The following GJD4 variants were observed in gnomAD, a reference collection of about 807,000 sequenced individuals.
GJD4 encodes the protein gap junction protein delta 4, also known as gap junction delta-4 protein.
A neutral mutation model predicts 17.9 loss-of-function variants in GJD4; 18 were observed. The observed-to-expected ratio is 1.00, with a 90% CI of 0.69 to 1.49. The LOEUF (loss-of-function observed/expected upper bound fraction) is 1.49, where lower values mean the gene tolerates loss of function less well. Ranked by LOEUF, GJD4 falls within the 40% of genes most tolerant of loss-of-function variation. GJD4 has a pLI of 0.00. For missense variants in GJD4, 639 were observed against 506.9 expected (o/e 1.26, Z -2.50); for synonymous variants, 293 against 236.8 (o/e 1.24, Z -2.18).
intron 1 of GJD4, 26 bp from the exon 2 acceptor site, chr10:35,607,552 G>A (rs1460875117): frequency 5.8e-6 from 9 of 1,559,650 alleles, no homozygotes; most frequent in Middle Eastern, 1.7e-4. Flanking sequence ...GGGGTGATGA[G>A]GCCATGCCCG....
intron 1 of GJD4, chr10:35,607,283 A>ATGCTCT (rs56119205): frequency 0.94 from 378,679 of 404,850 alleles, 179,210 homozygotes; most frequent in Non-Finnish European, 0.98. Context: ...GAACTACCTG[A>ATGCTCT]TGCTGTGAGT....
Position 35,608,059 on chromosome 10 carries a change from C to G in GJD4, c.546C>G (p.Gly182=). 1 of 1,609,688 alleles carries G rather than the reference C, an allele frequency of 6.2e-7. No homozygotes were observed. The highest frequency in any genetic ancestry group is 8.5e-7 in the Non-Finnish European group (1 of 1,178,252). The part of the protein sequence containing the change: ...KFPCTRPPCT[G]VVDCYVSRPT... The stretch of plus-strand genomic sequence containing the variant: ...CTTGCACGCGCCCTCCGTGCACGGG[C>G]GTGGTGGACTGCTACGTGTCGCGGC... Residue 182 remains glycine, a synonymous_variant, in exon 2 of 2, where the codon GGC becomes GGG. Transcript: ENST00000321660.
In GJD4 at chr10:35,608,719, C is replaced by G; in HGVS notation, c.*93C>G. On this transcript the variant is annotated 3_prime_UTR_variant, in exon 2 of 2. Transcript: ENST00000321660. Reference sequence around the variant, plus strand: ...AGGAGGATCGTTTGAGAATATATCTCCTTGCCCAAGAGTTTGAGACCAGCC... The same window carrying G: ...AGGAGGATCGTTTGAGAATATATCTGCTTGCCCAAGAGTTTGAGACCAGCC... The G allele has an allele frequency of 1.1e-6, 1 of 913,400 alleles. No individual in the cohort carries two copies. Among genetic ancestry groups the G allele is most frequent in the South Asian group, 1.8e-5 (1 of 54,810 alleles). The allele number at this position is 913,400 out of a possible 1,614,324, so 56.6% of individuals were successfully genotyped here.
intron 1 of GJD4, chr10:35,607,356 C>G: frequency 1.8e-6 from 1 of 569,928 alleles, no homozygotes; most frequent in Non-Finnish European, 3.1e-6. Context: ...GAGGCCAAGG[C>G]GGCAGGAGCA....
intron 1 of GJD4, chr10:35,605,856 A>C (rs1823278746): frequency 1.8e-6 from 1 of 568,920 alleles, no homozygotes; most frequent in Non-Finnish European, 3.1e-6. Flanking sequence ...CATGTAAGGG[A>C]GTCTTGCGTT....
At position 35,608,580 on chromosome 10, in the gene GJD4, C is replaced by T. The variant is rs772453319; in HGVS notation, c.1067C>T (p.Ser356Phe). 1 of 1,544,406 alleles carries T rather than the reference C, an allele frequency of 6.5e-7. No homozygotes were observed. Among genetic ancestry groups the T allele is most frequent in the Admixed American group, 2.1e-5 (1 of 47,424 alleles). ...CAGCCCCCTGACCCGCCTGCCAGCT[C>T]CAGTGGTGCTCCCCACCTGAGAGCC... ...SLQPPDPPASSSGAPHLRARK... is the reference protein window; with the variant it reads ...SLQPPDPPASFSGAPHLRARK... The change falls in exon 2 of 2, where the codon TCC (serine) becomes TTC (phenylalanine). Residue 356 changes from serine (S) to phenylalanine (F), a missense_variant. Transcript: ENST00000321660.
In GJD4 at chr10:35,608,546, A is replaced by G. The variant is rs552221917; in HGVS notation, c.1033A>G (p.Ser345Gly). ...CCGCCTGGCCGCGCCCCCTTCCTGCAGCAGCCTGCAGCCCCCTGACCCGCC... is the reference window on the plus strand; with the variant it reads ...CCGCCTGGCCGCGCCCCCTTCCTGCGGCAGCCTGCAGCCCCCTGACCCGCC... ...PSRLAAPPSC[S>G]SLQPPDPPAS... The change falls in exon 2 of 2, where the codon AGC becomes GGC. Residue 345 changes from serine (S) to glycine (G), a missense_variant. Transcript: ENST00000321660. The G allele has an allele frequency of 3.2e-6, 5 of 1,558,608 alleles. No individual in the cohort carries two copies. The South Asian group carries it at 3.5e-5, about 11-fold the overall frequency.
chr10:35,608,026 G>A lies in GJD4; in HGVS notation c.513G>A (p.Lys171=), dbSNP rs750338418. ...TTCTCTTTGGATTCCTGGCCCCGAAGAAGTTCCCTTGCACGCGCCCTCCGT... is the reference window on the plus strand; with the variant it reads ...TTCTCTTTGGATTCCTGGCCCCGAAAAAGTTCCCTTGCACGCGCCCTCCGT... ...HYFLFGFLAP[K]KFPCTRPPCT... is the part of the protein sequence containing the mutation. The change falls in exon 2 of 2, where the codon AAG becomes AAA. Residue 171 remains lysine, a synonymous_variant. Transcript: ENST00000321660. The A allele has an allele frequency of 6.2e-7, 1 of 1,611,516 alleles. No individual in the cohort carries two copies. The highest frequency in any genetic ancestry group is 8.5e-7 in the Non-Finnish European group (1 of 1,179,336).
chr10:35,608,541 C>G lies in GJD4; in HGVS notation c.1028C>G (p.Ser343Cys), dbSNP rs1354091811. 7.7e-6 allele frequency: 12 copies of G among 1,554,416 alleles called. No individual in the cohort carries two copies. The highest frequency in any genetic ancestry group is 1.0e-5 in the Non-Finnish European group (12 of 1,150,854). ...AAPSRLAAPP[S>C]CSSLQPPDPP... ...CCCAGCCGCCTGGCCGCGCCCCCTT[C>G]CTGCAGCAGCCTGCAGCCCCCTGAC... The change falls in exon 2 of 2, where the codon TCC (serine) becomes TGC (cysteine). Residue 343 changes from serine to cysteine, a missense_variant. Transcript: ENST00000321660.
chr10:35,608,518 C>A lies in GJD4; in HGVS notation c.1005C>A (p.Pro335=). Residue 335 remains proline (P), a synonymous_variant, in exon 2 of 2, where the codon CCC becomes CCA. Transcript: ENST00000321660. ...CCGAGGAGCAGCCCTCAGCAGCCCC[C>A]AGCCGCCTGGCCGCGCCCCCTTCCT... ...SGSEEQPSAA[P]SRLAAPPSCS... The A allele has an allele frequency of 6.4e-7, 1 of 1,552,384 alleles. No individual in the cohort carries two copies. The highest frequency in any genetic ancestry group is 8.7e-7 in the Non-Finnish European group (1 of 1,148,968).
intron 1 of GJD4, chr10:35,606,634 T>C (rs1363446053): frequency 1.3e-5 from 2 of 151,332 alleles, no homozygotes; most frequent in Non-Finnish European, 2.9e-5. Flanking sequence ...TGTCTTTACA[T>C]ATTTATTTTT....
In GJD4 at chr10:35,608,160, T is replaced by C; in HGVS notation, c.647T>C (p.Leu216Pro). The change falls in exon 2 of 2, where the codon CTG (leucine) becomes CCG (proline). Residue 216 changes from leucine (L) to proline (P), a missense_variant. By Grantham distance (98) the Leu-to-Pro change is moderately conservative (BLOSUM62 -3). Coordinates refer to ENST00000321660, the MANE Select transcript of GJD4 (RefSeq NM_153368.3). ...TCTTTTCTGCTGGGCCTCGCCGACC[T>C]GGTCTGCAGCCTGCGGCGGCGGATG... is the stretch of plus-strand genomic sequence containing the variant. ...ALSFLLGLAD[L>P]VCSLRRRMRR... 1.2e-6 allele frequency: 2 copies of C among 1,605,046 alleles called. No individual in the cohort carries two copies. Among genetic ancestry groups the C allele is most frequent in the Non-Finnish European group, 1.7e-6 (2 of 1,177,878 alleles).
Position 35,608,203 on chromosome 10 carries a change from C to A in GJD4, c.690C>A (p.Pro230=), listed in dbSNP as rs1835487028. 4 of 1,589,658 alleles carry A rather than the reference C, an allele frequency of 2.5e-6. No homozygotes were observed. Among genetic ancestry groups the A allele is most frequent in the African/African-American group, 1.3e-5 (1 of 74,526 alleles). ...LRRRMRRRPG[P]PTSPSIRKQS... ...GGCGGATGCGCAGGAGGCCGGGACC[C>A]CCCACAAGCCCCTCCATCCGGAAGC... Residue 230 remains proline, a synonymous_variant, in exon 2 of 2, where the codon CCC becomes CCA. Transcript: ENST00000321660.
At chr10:35,607,325 C>G (rs1835467772) in intron 1 of GJD4, 2 of 533,162 alleles carry the variant, frequency 3.8e-6, no homozygotes, top group Admixed American at 3.3e-5. Context: ...GTGGCTCATG[C>G]CTGTAATCCC....
chr10:35,608,935 CAAAAAAAAAA>C (rs3067572), downstream of GJD4: 1 of 56,214 alleles, frequency 1.8e-5, no homozygotes, highest in Non-Finnish European at 3.4e-5. Flanking sequence ...GAGACCCTGT[CAAAAAAAAAA>C]AAAAAAAAAA....
At position 35,608,452 on chromosome 10, in the gene GJD4, G is replaced by T; in HGVS notation, c.939G>T (p.Arg313Ser). Residue 313 changes from arginine (R) to serine (S), a missense_variant, in exon 2 of 2, where the codon AGG (arginine) becomes AGT (serine). Arg to Ser is a moderately radical substitution (Grantham distance 110). Coordinates refer to ENST00000321660, the MANE Select transcript of GJD4 (RefSeq NM_153368.3). ...AGCTGGGCAGACAGCCCCGGGGCAG[G>T]CCCCACCGAGAGGCCGCCCAGGACC... Reference protein sequence around the residue: ...SEKLGRQPRGRPHREAAQDPR... With the variant: ...SEKLGRQPRGSPHREAAQDPR... The T allele has an allele frequency of 6.5e-7, 1 of 1,547,372 alleles. No homozygotes were observed. Among genetic ancestry groups the T allele is most frequent in the Non-Finnish European group, 8.7e-7 (1 of 1,146,452 alleles).
intron 1 of GJD4, 175 bp from the exon 2 acceptor site, chr10:35,607,403 T>C (rs1187588908): frequency 4.8e-6 from 3 of 618,698 alleles, no homozygotes; most frequent in Non-Finnish European, 8.5e-6. Context: ...CTGGGCAATA[T>C]AGCACGACCC....
At chr10:35,607,099 T>C (rs1835465155) in intron 1 of GJD4, 1 of 154,282 alleles carries the variant, frequency 6.5e-6, no homozygotes, top group Non-Finnish European at 1.4e-5. Flanking sequence ...ATTTAAATCA[T>C]TAATTTGCTC....
rs1416487268 is a variant in GJD4, at chr10:35,608,443, C to CAG, written c.930_931insAG (p.Arg311SerfsTer53). 1 of 1,547,304 alleles carries CAG rather than the reference C, an allele frequency of 6.5e-7. No individual in the cohort carries two copies. Among genetic ancestry groups the CAG allele is most frequent in the African/African-American group, 1.4e-5 (1 of 72,608 alleles). On this transcript the variant is annotated frameshift_variant, in exon 2 of 2. Transcript: ENST00000321660. LOFTEE classifies it high-confidence loss of function. The stretch of plus-strand genomic sequence containing the variant: ...CCAGCGAAAAGCTGGGCAGACAGCC[C>CAG]CGGGGCAGGCCCCACCGAGAGGCCG...
Sources: allele counts gnomAD v4.1 joint callset, GRCh38; gene constraint gnomAD v4.1.1; transcripts MANE v1.5; gene names NCBI Gene and HGNC (gene_info 2026-07-23, HGNC 2026-07-21).